The following LRRTM4 variants were observed in gnomAD, a reference collection of about 807,000 sequenced individuals.
LRRTM4 encodes leucine rich repeat transmembrane neuronal 4.
A neutral mutation model predicts 47.6 loss-of-function variants in LRRTM4; 25 were observed. The ratio of observed to expected loss-of-function variants is 0.53; its 90% CI spans 0.38 to 0.73. LRRTM4 has a LOEUF of 0.73. Among genes scored for constraint, LRRTM4 ranks in the 30% least tolerant of loss-of-function variants. The pLI, the probability that LRRTM4 is intolerant of heterozygous loss-of-function variation, is 0.00. For synonymous variants in LRRTM4, 311 were observed against 269.5 expected, an observed-to-expected ratio of 1.15 and a Z score of -1.51; for missense variants, 638 against 713.4, an observed-to-expected ratio of 0.89 and a Z score of 1.20.
intron 3 of LRRTM4, among the ~76,000 whole-genome samples, chr2:77,468,578 T>C (rs1013144752): frequency 3.9e-5 from 6 of 152,176 alleles, no homozygotes; most frequent in African/African-American, 1.4e-4. Flanking sequence ...CAGACAGACA[T>C]GTCAAGGGGC....
chr2:77,306,897 A>ATTTTTTTTTTTTTTTTTTTTTTTTT lies in LRRTM4; in HGVS notation c.1551+211420_1551+211421insAAAAAAAAAAAAAAAAAAAAAAAAA, dbSNP rs774697360. 8.9e-5 allele frequency among the ~76,000 whole-genome samples: 10 copies of ATTTTTTTTTTTTTTTTTTTTTTTTT among 112,412 alleles called. 1 individual carries two copies. Among genetic ancestry groups the ATTTTTTTTTTTTTTTTTTTTTTTTT allele is most frequent in the African/African-American group, 3.5e-4 (8 of 23,134 alleles). The allele number at this position is 112,412 out of a possible 152,430, so 73.7% of individuals were successfully genotyped here. A position where few individuals can be genotyped will look rare whatever the true frequency, so the allele number is the denominator to read the frequency against. ...AAATAGCTATATACTGCTTTTCCATATTTTTTTTTTTTTTTTTTTTGAGAT... is the reference window on the plus strand; with the variant it reads ...AAATAGCTATATACTGCTTTTCCATATTTTTTTTTTTTTTTTTTTTTTTTTTTTTTTTTTTTTTTTTTTTTGAGAT... On this transcript the variant is annotated intron_variant, in intron 3 of 3. Coordinates refer to ENST00000409884, the MANE Select transcript of LRRTM4 (RefSeq NM_001134745.3).
chr2:76,983,476 C>T lies in LRRTM4; in HGVS notation c.1552-234560G>A, dbSNP rs1048399808. Among the ~76,000 whole-genome samples, 6 of 152,038 alleles carry T rather than the reference C, an allele frequency of 3.9e-5. No individual in the cohort carries two copies. The East Asian group carries it at 1.2e-3, about 30-fold the overall frequency. On this transcript the variant is annotated intron_variant, in intron 3 of 3. Coordinates refer to ENST00000409884, the MANE Select transcript of LRRTM4 (RefSeq NM_001134745.3). Reference sequence around the variant, plus strand: ...TGATGGTTTTATAAATGGGAGTTCCCTGCACGAGCTCTCTTGCCTGTCACC... The same window carrying T: ...TGATGGTTTTATAAATGGGAGTTCCTTGCACGAGCTCTCTTGCCTGTCACC...
At chr2:76,814,008 C>G (rs1376394890) in intron 3 of LRRTM4, among the ~76,000 whole-genome samples, 3 of 152,054 alleles carry the variant, frequency 2.0e-5, no homozygotes, top group African/African-American at 7.2e-5. Context: ...TCCTTATCCC[C>G]CTCTGGGCTC....
chr2:77,017,091 T>C (rs1212915788), intron 3 of LRRTM4, among the ~76,000 whole-genome samples: 1 of 152,178 alleles, frequency 6.6e-6, no homozygotes, highest in Non-Finnish European at 1.5e-5. Context: ...TTGCAGGCAC[T>C]TTGCTCATTG....
At position 76,974,579 on chromosome 2, in the gene LRRTM4, C is replaced by A. The variant is rs1294678099; in HGVS notation, c.1552-225663G>T. Among the ~76,000 whole-genome samples, 7 of 151,060 alleles carry A rather than the reference C, an allele frequency of 4.6e-5. No individual in the cohort carries two copies. In the East Asian group the frequency reaches 1.4e-3, roughly 30 times the overall value. On this transcript the variant is annotated intron_variant, in intron 3 of 3. Transcript: ENST00000409884. Reference sequence around the variant, plus strand: ...ATTTATAATGGAAATCAAGCAAAAGCCAAATAACTATCCAAGTATATATCC... The same window carrying A: ...ATTTATAATGGAAATCAAGCAAAAGACAAATAACTATCCAAGTATATATCC...
At chr2:77,304,095 T>C (rs1677208786) in intron 3 of LRRTM4, among the ~76,000 whole-genome samples, 1 of 152,210 alleles carries the variant, frequency 6.6e-6, no homozygotes, top group Non-Finnish European at 1.5e-5. Context: ...GGGTTCCTTT[T>C]TCTCCATCAA....
At chr2:76,877,875 G>A (rs1192773775) in intron 3 of LRRTM4, among the ~76,000 whole-genome samples, 1 of 151,972 alleles carries the variant, frequency 6.6e-6, no homozygotes, top group South Asian at 2.1e-4. Context: ...TGTATAACAG[G>A]TATTCCAGAA....
chr2:77,020,968 T>A (rs1446697), intron 3 of LRRTM4, among the ~76,000 whole-genome samples: 83,955 of 152,004 alleles, frequency 0.55, 25,276 homozygotes, highest in African/African-American at 0.8. Flanking sequence ...CTTCTATTAC[T>A]GTTATCCTGT....
At chr2:77,219,857 A>G (rs549485979) in intron 3 of LRRTM4, among the ~76,000 whole-genome samples, 36 of 152,220 alleles carry the variant, frequency 2.4e-4, no homozygotes, top group Middle Eastern at 6.8e-3. Flanking sequence ...TGAAGAGAGT[A>G]ATGGTTCTCC....
chr2:77,354,580 A>T (rs1412288539), intron 3 of LRRTM4, among the ~76,000 whole-genome samples: 1 of 152,132 alleles, frequency 6.6e-6, no homozygotes, highest in East Asian at 1.9e-4. Flanking sequence ...TACTCCCAGG[A>T]GACTGGTAAG....
intron 3 of LRRTM4, among the ~76,000 whole-genome samples, chr2:77,515,948 A>T (rs1679190865): frequency 6.6e-6 from 1 of 151,886 alleles, no homozygotes; most frequent in African/African-American, 2.4e-5. Context: ...TCTGTCAAAA[A>T]ATGGGGTGAC....
At chr2:76,943,929 T>C (rs749693717) in intron 3 of LRRTM4, among the ~76,000 whole-genome samples, 25 of 152,168 alleles carry the variant, frequency 1.6e-4, no homozygotes, top group Non-Finnish European at 3.2e-4. Flanking sequence ...TTGGGGCCAT[T>C]ATCCTAGTGC....
intron 3 of LRRTM4, among the ~76,000 whole-genome samples, chr2:77,344,311 A>T (rs1384772300): frequency 6.6e-6 from 1 of 151,876 alleles, no homozygotes; most frequent in East Asian, 1.9e-4. Flanking sequence ...CATTACAATG[A>T]TGCTTTAGGA....
At chr2:77,456,512 T>A (rs573912601) in intron 3 of LRRTM4, among the ~76,000 whole-genome samples, 32 of 152,108 alleles carry the variant, frequency 2.1e-4, no homozygotes, top group Non-Finnish European at 3.4e-4. Context: ...CTTGAGTTTA[T>A]CCTTATTCTC....
chr2:77,076,555 G>T (rs1483880417), intron 3 of LRRTM4, among the ~76,000 whole-genome samples: 2 of 152,136 alleles, frequency 1.3e-5, no homozygotes, highest in African/African-American at 4.8e-5. Flanking sequence ...TATAACAAAT[G>T]AGCATGAATA....
chr2:76,908,595 C>T (rs1477983202), intron 3 of LRRTM4, among the ~76,000 whole-genome samples: 1 of 152,034 alleles, frequency 6.6e-6, no homozygotes, highest in Non-Finnish European at 1.5e-5. Flanking sequence ...TAGAAAACCC[C>T]ATTGTCTCAG....
intron 3 of LRRTM4, among the ~76,000 whole-genome samples, chr2:76,897,211 C>A (rs1295208046): frequency 1.3e-5 from 2 of 152,062 alleles, no homozygotes; most frequent in African/African-American, 4.8e-5. Flanking sequence ...TAGGCAGCGT[C>A]AATAATGCAA....
At position 77,519,734 on chromosome 2, in the gene LRRTM4, C is replaced by T. The variant is rs748757075; in HGVS notation, c.135G>A (p.Val45=). The change falls in exon 3 of 4, where the codon GTG becomes GTA. Residue 45 remains valine (V), a synonymous_variant. Transcript: ENST00000409884. This position sits in a 1 kb window ranked among gnomAD's most constrained non-coding sequence, Gnocchi z 4.6. ...PKNCRCDGKI[V]YCESHAFADI... ...CTGCGAAAGCATGAGACTCACAGTA[C>T]ACAATTTTGCCATCACATCTGCAGT... is the stretch of plus-strand genomic sequence containing the variant. The T allele has an allele frequency of 3.1e-6, 5 of 1,613,380 alleles. No homozygotes were observed. Among genetic ancestry groups the T allele is most frequent in the Non-Finnish European group, 4.2e-6 (5 of 1,179,580 alleles).
At chr2:76,972,478 T>C in intron 3 of LRRTM4, among the ~76,000 whole-genome samples, 1 of 142,160 alleles carries the variant, frequency 7.0e-6, no homozygotes, top group Non-Finnish European at 1.5e-5. Context: ...AGTGCAGTGG[T>C]GCAGTTTCAG....
Sources: allele counts gnomAD v4.1 joint callset (sites outside exome capture counted in the v4.1 genomes callset), GRCh38; gene constraint gnomAD v4.1.1; non-coding constraint Gnocchi (gnomAD v3.1); transcripts MANE v1.5; gene names NCBI Gene and HGNC (gene_info 2026-07-23, HGNC 2026-07-21).